The following RNFT2 variants were observed in gnomAD, a reference collection of about 807,000 sequenced individuals.
RNFT2 encodes E3 ubiquitin-protein ligase RNFT2.
Under a neutral mutation model 53.0 loss-of-function variants are expected in RNFT2, and 36 were observed. That is an observed-to-expected ratio of 0.68 (90% CI 0.52 to 0.90). RNFT2 has a LOEUF of 0.90. RNFT2 is among the 40% of genes least tolerant of loss of function. RNFT2 has a pLI of 0.00. For missense variants in RNFT2, 514 were observed against 585.6 expected, an observed-to-expected ratio of 0.88 and a Z score of 1.26; for synonymous variants, 260 against 253.2, an observed-to-expected ratio of 1.03 and a Z score of -0.26.
intron 7 of RNFT2, among the ~76,000 whole-genome samples, chr12:116,809,326 T>A (rs1199539368): frequency 6.6e-6 from 1 of 152,144 alleles, no homozygotes; most frequent in Non-Finnish European, 1.5e-5. Flanking sequence ...AGTTGAGAAG[T>A]GCTGATGAGA....
At chr12:116,775,934 T>C (rs1226119933) in intron 6 of RNFT2, among the ~76,000 whole-genome samples, 1 of 151,806 alleles carries the variant, frequency 6.6e-6, no homozygotes, top group African/African-American at 2.4e-5. Flanking sequence ...TCCCAGCTAC[T>C]CGGGAGGCTG....
At chr12:116,820,146 AG>A (rs1321992067) in intron 7 of RNFT2, among the ~76,000 whole-genome samples, 8 of 152,198 alleles carry the variant, frequency 5.3e-5, no homozygotes, top group African/African-American at 1.7e-4. Flanking sequence ...GCTGGAGTGT[AG>A]AAGTACGATC....
chr12:116,799,129 G>C (rs2137147151), intron 7 of RNFT2, among the ~76,000 whole-genome samples: 1 of 152,296 alleles, frequency 6.6e-6, no homozygotes, highest in African/African-American at 2.4e-5. Context: ...TCAGTTCTGT[G>C]TGATCGTAGG....
At chr12:116,815,627 G>A (rs985066525) in intron 7 of RNFT2, among the ~76,000 whole-genome samples, 12 of 152,052 alleles carry the variant, frequency 7.9e-5, no homozygotes, top group Admixed American at 2.6e-4. Context: ...TATTGGGCCC[G>A]TCCAGGTCAC....
At chr12:116,800,667 T>G (rs746693104) in intron 7 of RNFT2, among the ~76,000 whole-genome samples, 20 of 147,780 alleles carry the variant, frequency 1.4e-4, no homozygotes, top group African/African-American at 5.0e-4. Flanking sequence ...TGCAAAAAAT[T>G]AGCTGGCACT....
rs1566069512 is a variant in RNFT2 at position 116,750,884 on chromosome 12, TATATATAATATATATATATA to T, written c.550+578_550+597del. 4.6e-3 allele frequency among the ~76,000 whole-genome samples: 23 copies of T among 4,992 alleles called. 2 individuals are homozygous for T. The highest frequency in any genetic ancestry group is 0.027 in the African/African-American group (23 of 844). 3.3% of individuals were successfully genotyped at this position (4,992 alleles called of 152,430 possible). On this transcript the variant is annotated intron_variant, in intron 4 of 10. Coordinates refer to ENST00000257575, the MANE Select transcript of RNFT2 (RefSeq NM_001382266.1). ...TTATATATATATAATATATATATTA[TATATATAATATATATATATA>T]TATATTTTTTTTTGAGACAGGGTCT...
At chr12:116,775,906 G>A (rs1449929559) in intron 6 of RNFT2, among the ~76,000 whole-genome samples, 1 of 152,116 alleles carries the variant, frequency 6.6e-6, no homozygotes, top group African/African-American at 2.4e-5. Context: ...AGCCTGGCGT[G>A]GTGGTAGGCA....
intron 5 of RNFT2, among the ~76,000 whole-genome samples, chr12:116,761,348 A>G (rs1487161612): frequency 1.3e-5 from 2 of 151,956 alleles, no homozygotes; most frequent in Non-Finnish European, 2.9e-5. Flanking sequence ...GGGTTTCACC[A>G]TGTTGGCCAG....
At position 116,750,069 on chromosome 12, in the gene RNFT2, G is replaced by T; in HGVS notation, c.312G>T (p.Gly104=). ...SREEGGGRGE[G]GAYHHRQPHH... ...AGGAAGGAGGGGGCCGGGGCGAGGG[G>T]GGCGCCTACCACCACCGCCAGCCCC... The change falls in exon 4 of 11, where the codon GGG becomes GGT. Residue 104 remains glycine, a synonymous_variant. Coordinates refer to ENST00000257575, the MANE Select transcript of RNFT2 (RefSeq NM_001382266.1). 1 of 1,546,770 alleles carries T rather than the reference G, an allele frequency of 6.5e-7. No homozygotes were observed. Among genetic ancestry groups the T allele is most frequent in the Non-Finnish European group, 8.7e-7 (1 of 1,149,336 alleles).
Position 116,853,527 on chromosome 12 carries a change from T to C in RNFT2, c.*4079T>C. 1 of 234,752 alleles carries C rather than the reference T, an allele frequency of 4.3e-6. No homozygotes were observed. The highest frequency in any genetic ancestry group is 5.6e-5 in the Admixed American group (1 of 17,726). The allele number at this position is 234,752 out of a possible 1,614,324, so 14.5% of individuals were successfully genotyped here. Reference sequence around the variant, plus strand: ...AAGAAAGAGAGGTAAATAAAGTGGGTCCTGGAATCTTTTAGGACTTCTGCT... The same window carrying C: ...AAGAAAGAGAGGTAAATAAAGTGGGCCCTGGAATCTTTTAGGACTTCTGCT... On this transcript the variant is annotated 3_prime_UTR_variant, in exon 11 of 11. Coordinates refer to ENST00000257575, the MANE Select transcript of RNFT2 (RefSeq NM_001382266.1).
chr12:116,752,737 G>A (rs1392113376), intron 4 of RNFT2, among the ~76,000 whole-genome samples: 1 of 152,126 alleles, frequency 6.6e-6, no homozygotes, highest in Non-Finnish European at 1.5e-5. Context: ...AATTAGCCAG[G>A]TGTGGTGGCA....
chr12:116,816,564 C>T (rs1453683611), intron 7 of RNFT2, among the ~76,000 whole-genome samples: 1 of 152,060 alleles, frequency 6.6e-6, no homozygotes, highest in African/African-American at 2.4e-5. Flanking sequence ...AGTGAGTGTC[C>T]AGTTATCTAG....
intron 7 of RNFT2, among the ~76,000 whole-genome samples, chr12:116,783,033 T>A (rs1873783340): frequency 6.6e-6 from 1 of 152,332 alleles, no homozygotes; most frequent in Admixed American, 6.5e-5. Context: ...TGGCTCATCA[T>A]AAGTGCTCAA....
At chr12:116,771,713 C>T (rs1873203945) in intron 6 of RNFT2, among the ~76,000 whole-genome samples, 1 of 152,086 alleles carries the variant, frequency 6.6e-6, no homozygotes, top group African/African-American at 2.4e-5. Context: ...TGGGCACCCT[C>T]TTCTGTGACA....
chr12:116,767,623 A>C (rs1162775691), intron 6 of RNFT2, among the ~76,000 whole-genome samples: 1 of 152,090 alleles, frequency 6.6e-6, no homozygotes, highest in Non-Finnish European at 1.5e-5. Flanking sequence ...TCTGTCGCCC[A>C]GGCTGGAGTG....
Position 116,849,563 on chromosome 12 carries a change from C to A in RNFT2, c.*115C>A. On this transcript the variant is annotated 3_prime_UTR_variant, in exon 11 of 11. Transcript: ENST00000257575. ...GCACTTACATCCTGCCTCTTGCCCTCCACCACCTCTGACCCCAAAGTCCCG... is the reference window on the plus strand; with the variant it reads ...GCACTTACATCCTGCCTCTTGCCCTACACCACCTCTGACCCCAAAGTCCCG... 7.0e-7 allele frequency: 1 copy of A among 1,437,630 alleles called. No individual in the cohort carries two copies. The highest frequency in any genetic ancestry group is 9.2e-7 in the Non-Finnish European group (1 of 1,092,728). 89.1% of individuals were successfully genotyped at this position (1,437,630 alleles called of 1,614,324 possible). A position where few individuals can be genotyped will look rare whatever the true frequency, so the allele number is the denominator to read the frequency against.
Position 116,759,676 on chromosome 12 carries a change from T to G in RNFT2, c.627+5616T>G, listed in dbSNP as rs2137087838. On this transcript the variant is annotated intron_variant, in intron 5 of 10. Transcript: ENST00000257575. Reference sequence around the variant, plus strand: ...GCGAGTCTACCTGGCTCCAGGCTGGTACTGGGGGTTGTCTGCACAGAGTCC... The same window carrying G: ...GCGAGTCTACCTGGCTCCAGGCTGGGACTGGGGGTTGTCTGCACAGAGTCC... 1.3e-5 allele frequency among the ~76,000 whole-genome samples: 2 copies of G among 152,304 alleles called. 1 individual carries two copies.
intron 3 of RNFT2, among the ~76,000 whole-genome samples, chr12:116,743,749 A>G (rs1871759268): frequency 6.6e-6 from 1 of 151,988 alleles, no homozygotes; most frequent in Non-Finnish European, 1.5e-5. Flanking sequence ...AGAATCACAA[A>G]TGGTATCCCC....
At chr12:116,848,329 C>T (rs1183945648) in intron 10 of RNFT2, among the ~76,000 whole-genome samples, 1 of 152,102 alleles carries the variant, frequency 6.6e-6, no homozygotes, top group Non-Finnish European at 1.5e-5. Context: ...ATCTGTTTAT[C>T]GTAGCACTAG....
Sources: gnomAD v4.1 joint callset for allele counts (sites outside exome capture counted in the v4.1 genomes callset) on GRCh38, gnomAD v4.1.1 for gene constraint, MANE v1.5 for transcripts, NCBI Gene and HGNC (gene_info 2026-07-23, HGNC 2026-07-21) for gene names.